C11orf65: variants seen among roughly 807,000 people sequenced by gnomAD.
C11orf65 encodes the protein protein MFI.
In C11orf65, 38 loss-of-function variants were observed where a neutral mutation model predicts 35.3. The observed-to-expected ratio is 1.08, with a 90% confidence interval of 0.83 to 1.41. The LOEUF (loss-of-function observed/expected upper bound fraction) is 1.41. Among genes scored for constraint, C11orf65 ranks in the 40% most tolerant of loss-of-function variants. The pLI is 0.00. For synonymous variants in C11orf65, 105 were observed against 114.4 expected (o/e 0.92, Z 0.53); for missense variants, 370 against 367.1 (o/e 1.01, Z -0.06).
rs2092055966 is a variant in C11orf65, at chr11:108,388,083, A to G, written c.732-2108T>C. ...TCAGTGGTTGCTCAGGAGCACTATA[A>G]AGAGTCATCCTGCTTGCTTGGATTT... On this transcript the variant is annotated intron_variant, in intron 7 of 8. Coordinates refer to ENST00000393084, the MANE Select transcript of C11orf65 (RefSeq NM_152587.5). 2.0e-5 allele frequency among the ~76,000 whole-genome samples: 3 copies of G among 152,184 alleles called. No homozygotes were observed. The South Asian group carries it at 6.2e-4, about 32-fold the overall frequency.
At chr11:108,441,048 G>A (rs2093145515) in intron 2 of C11orf65, among the ~76,000 whole-genome samples, 1 of 152,164 alleles carries the variant, frequency 6.6e-6, no homozygotes, top group Non-Finnish European at 1.5e-5. Context: ...AAGTGCAAGG[G>A]GTTGGGGAAT....
rs147633383 is a variant in C11orf65 at position 108,444,925 on chromosome 11, C to A, written c.82-13087G>T. On this transcript the variant is annotated intron_variant, in intron 2 of 8. Coordinates refer to ENST00000393084, the MANE Select transcript of C11orf65 (RefSeq NM_152587.5). ...CCATCCTAATACTGCACTTTTGCAACGGGCTTAAAAAACGGCACACCAGGA... is the reference window on the plus strand; with the variant it reads ...CCATCCTAATACTGCACTTTTGCAAAGGGCTTAAAAAACGGCACACCAGGA... Among the ~76,000 whole-genome samples, 109 of 152,272 alleles carry A rather than the reference C, an allele frequency of 7.2e-4. 2 individuals are homozygous for A. The highest frequency in any genetic ancestry group is 2.5e-3 in the African/African-American group (103 of 41,544).
At position 108,450,935 on chromosome 11, in the gene C11orf65, C is replaced by A. The variant is rs1044865257; in HGVS notation, c.81+10544G>T. On this transcript the variant is annotated intron_variant, in intron 2 of 8. Transcript: ENST00000393084. The stretch of plus-strand genomic sequence containing the variant: ...ATGATTATCTCAATAGATGCAGAAA[C>A]GGCCTTCAATAAAATTCAACAGCTC... Among the ~76,000 whole-genome samples, 16 of 151,772 alleles carry A rather than the reference C, an allele frequency of 1.1e-4. No homozygotes were observed. The East Asian group carries it at 2.9e-3, about 28-fold the overall frequency.
chr11:108,375,594 C>T (rs2091700482), intron 2 of C11orf65, among the ~76,000 whole-genome samples: 1 of 152,114 alleles, frequency 6.6e-6, no homozygotes, highest in South Asian at 2.1e-4. Flanking sequence ...ACAAAATAAC[C>T]AGCTAACATC....
intron 2 of C11orf65, among the ~76,000 whole-genome samples, chr11:108,357,187 G>A (rs377289086): frequency 6.6e-6 from 1 of 152,324 alleles, no homozygotes; most frequent in East Asian, 1.9e-4. Flanking sequence ...GGTGACAGAC[G>A]GCACCTGGAA....
At chr11:108,391,657 G>A (rs1231295199) in intron 7 of C11orf65, among the ~76,000 whole-genome samples, 1 of 152,140 alleles carries the variant, frequency 6.6e-6, no homozygotes, top group South Asian at 2.1e-4. Context: ...GGGATTACAG[G>A]CGTGAGCCAC....
intron 2 of C11orf65, among the ~76,000 whole-genome samples, chr11:108,436,309 G>A (rs2093059679): frequency 6.6e-6 from 1 of 152,018 alleles, no homozygotes; most frequent in African/African-American, 2.4e-5. Context: ...CATTTTTGTG[G>A]TTTAAAGCAC....
intron 2 of C11orf65, among the ~76,000 whole-genome samples, chr11:108,335,476 C>T (rs138460059): frequency 6.6e-6 from 1 of 152,238 alleles, no homozygotes; most frequent in African/African-American, 2.4e-5. Flanking sequence ...GTGCCAAGTG[C>T]TATTTAATGT....
chr11:108,469,213 T>TAA (rs35050634), upstream of C11orf65, among the ~76,000 whole-genome samples: 8 of 132,358 alleles, frequency 6.0e-5, no homozygotes, highest in East Asian at 4.4e-4. Flanking sequence ...AGATTCCCTC[T>TAA]AAAAAAAAAA....
At chr11:108,313,871 T>C (rs1216982942) in intron 6 of C11orf65, among the ~76,000 whole-genome samples, 1 of 152,182 alleles carries the variant, frequency 6.6e-6, no homozygotes, top group Non-Finnish European at 1.5e-5. Context: ...TTCCTAGTTT[T>C]TTCTATTTTA....
chr11:108,393,948 A>G (rs1157889296), intron 6 of C11orf65, among the ~76,000 whole-genome samples: 1 of 152,156 alleles, frequency 6.6e-6, no homozygotes, highest in Non-Finnish European at 1.5e-5. Context: ...TTGGGAGGCC[A>G]ACATGGGTGG....
At chr11:108,317,568 C>G (rs752104231) in intron 6 of C11orf65, 18 of 1,507,898 alleles carry the variant, frequency 1.2e-5, no homozygotes, top group Non-Finnish European at 1.5e-5. Flanking sequence ...TCTCCTCATT[C>G]TAAACAACAA....
intron 2 of C11orf65, chr11:108,367,536 A>G (rs1046619146): frequency 4.9e-6 from 1 of 205,446 alleles, no homozygotes; most frequent in South Asian, 1.9e-4. Flanking sequence ...ATTAGTGAGT[A>G]TAATCTCTTC....
chr11:108,317,453 T>C lies in C11orf65; in HGVS notation c.641-8382A>G, dbSNP rs141370828. On this transcript the variant is annotated intron_variant, in intron 6 of 6. Transcript: ENST00000525729. ...ATTATGAAAATAAAGACTGGTGTCC[T>C]GAACTAGAAGAACTTCATTACCAAG... The C allele has an allele frequency of 1.2e-6, 2 of 1,612,654 alleles. No individual in the cohort carries two copies. The highest frequency in any genetic ancestry group is 1.7e-6 in the Non-Finnish European group (2 of 1,179,450).
At chr11:108,440,040 TAAAAC>T (rs1429590870) in intron 2 of C11orf65, among the ~76,000 whole-genome samples, 2 of 152,174 alleles carry the variant, frequency 1.3e-5, no homozygotes, top group East Asian at 3.9e-4. Flanking sequence ...TCCTGGTACT[TAAAAC>T]AAAAGTGTAA....
intron 3 of C11orf65, among the ~76,000 whole-genome samples, chr11:108,418,864 A>T (rs2138856953): frequency 6.6e-6 from 1 of 152,294 alleles, no homozygotes; most frequent in East Asian, 1.9e-4. Context: ...AGTATTATGA[A>T]TAATTTTAAG....
chr11:108,451,243 T>C (rs2093343851), intron 2 of C11orf65, among the ~76,000 whole-genome samples: 1 of 152,000 alleles, frequency 6.6e-6, no homozygotes, highest in Admixed American at 6.6e-5. Context: ...GACATGATTG[T>C]ATATTTAGAA....
chr11:108,413,478 T>C (rs1404353419), intron 3 of C11orf65, among the ~76,000 whole-genome samples: 5 of 152,216 alleles, frequency 3.3e-5, no homozygotes, highest in African/African-American at 4.8e-5. Context: ...AGAAAAAAGA[T>C]AATCTGACTT....
At chr11:108,407,997 T>TTTTTTA (rs372979791) in intron 3 of C11orf65, among the ~76,000 whole-genome samples, 16 of 139,558 alleles carry the variant, frequency 1.1e-4, no homozygotes, top group African/African-American at 7.9e-5. Flanking sequence ...TTAATTTCTT[T>TTTTTTA]TTATTATTAT....
Sources: allele counts gnomAD v4.1 joint callset (sites outside exome capture counted in the v4.1 genomes callset), GRCh38; gene constraint gnomAD v4.1.1; transcripts MANE v1.5; gene names NCBI Gene and HGNC (gene_info 2026-07-23, HGNC 2026-07-21).